The following L3MBTL1 variants were observed in gnomAD, a reference collection of about 807,000 sequenced individuals.
L3MBTL1 encodes the protein L3MBTL histone methyl-lysine binding protein 1.
L3MBTL1 carries 75 observed loss-of-function variants against 105.3 expected under a neutral mutation model. The observed-to-expected ratio is 0.71, with a 90% CI of 0.59 to 0.86. The LOEUF (loss-of-function observed/expected upper bound fraction) is 0.86. Ranked by LOEUF, L3MBTL1 falls within the 40% of genes least tolerant of loss-of-function variation. The probability of loss-of-function intolerance (pLI) is 0.00; values close to 1 mark genes in which losing one functional copy is unlikely to be tolerated. For synonymous variants in L3MBTL1, 452 were observed against 436.2 expected (o/e 1.04, Z -0.45); for missense variants, 1,069 against 1,126.4 (o/e 0.95, Z 0.73).
intron 11 of L3MBTL1, chr20:43,531,120 C>T (rs1484625470): frequency 9.2e-6 from 5 of 541,834 alleles, no homozygotes; most frequent in African/African-American, 3.8e-5. Context: ...ACTGCAGATA[C>T]CCTGTCCTCA....
intron 7 of L3MBTL1, among the ~76,000 whole-genome samples, chr20:43,526,479 T>C (rs1174324131): frequency 2.0e-5 from 3 of 152,164 alleles, no homozygotes; most frequent in African/African-American, 7.2e-5. Context: ...GTAGGTGATA[T>C]GTTATACTCA....
At position 43,525,590 on chromosome 20, in the gene L3MBTL1, A is replaced by G. The variant is rs565399471; in HGVS notation, c.863-3067A>G. 5.3e-4 allele frequency among the ~76,000 whole-genome samples: 80 copies of G among 152,282 alleles called. 1 individual carries two copies. Among genetic ancestry groups the G allele is most frequent in the Admixed American group, 4.4e-3 (68 of 15,300 alleles). On this transcript the variant is annotated intron_variant, in intron 7 of 21. Transcript: ENST00000418998. ...GGAGCCTTGGGACTTACTTGGGTTT[A>G]GGGATATGCCTAAGAGCTCAGCCCA...
Position 43,513,920 on chromosome 20 carries a change from G to C in L3MBTL1, c.219G>C (p.Pro73=). ...GGGAGCCAATCCATGTGGGTGCCCC[G>C]GAGCAAGTGGCCGGCTGCGAACCAG... ...FPREPIHVGA[P]EQVAGCEPVS... is the part of the protein sequence containing the mutation. The change falls in exon 3 of 22, where the codon CCG becomes CCC. Residue 73 remains proline, a synonymous_variant. Coordinates refer to ENST00000418998, the MANE Select transcript of L3MBTL1 (RefSeq NM_001377303.1). 3 of 1,550,350 alleles carry C rather than the reference G, an allele frequency of 1.9e-6. No homozygotes were observed. The East Asian group carries it at 7.3e-5, about 38-fold the overall frequency.
chr20:43,541,092 T>A lies in L3MBTL1; in HGVS notation c.2553T>A (p.Leu851=). ...TCTGCTCTCTACCCACTCATTTGCT[T>A]GCCAAACTTAGCTTTGCCAGTGATA... The part of the protein sequence containing the change: ...SLLCSLPTHL[L]AKLSFASDSQ... The change falls in exon 22 of 22, where the codon CTT becomes CTA. Residue 851 remains leucine, a synonymous_variant. Transcript: ENST00000418998. 6.2e-7 allele frequency: 1 copy of A among 1,614,146 alleles called. No homozygotes were observed. Among genetic ancestry groups the A allele is most frequent in the Admixed American group, 1.7e-5 (1 of 60,026 alleles).
At chr20:43,536,667 A>T (rs553849672) in intron 19 of L3MBTL1, among the ~76,000 whole-genome samples, 1 of 152,110 alleles carries the variant, frequency 6.6e-6, no homozygotes, top group Non-Finnish European at 1.5e-5. Flanking sequence ...CATGTCCCCC[A>T]TGGCCTTGCT....
rs184079978 is a variant in L3MBTL1, at chr20:43,510,708, C to G, written c.-28-2768C>G. 6.5e-4 allele frequency among the ~76,000 whole-genome samples: 99 copies of G among 151,838 alleles called. No individual in the cohort carries two copies. The Middle Eastern group carries it at 0.014, about 21-fold the overall frequency. ...CTGGGATTAGAGGCGTGAGCCACTGCGCCCAGCTAATTTTTTTTTTTTCTT... is the reference window on the plus strand; with the variant it reads ...CTGGGATTAGAGGCGTGAGCCACTGGGCCCAGCTAATTTTTTTTTTTTCTT... On this transcript the variant is annotated intron_variant, in intron 1 of 21. Transcript: ENST00000418998.
At chr20:43,546,406 G>A (rs567469549), downstream of L3MBTL1, among the ~76,000 whole-genome samples, 1 of 152,304 alleles carries the variant, frequency 6.6e-6, no homozygotes, top group South Asian at 2.1e-4. Context: ...GTATATCTTG[G>A]GCAAATTCTG....
chr20:43,548,377 C>T (rs1978769380), exon 19 of L3MBTL1: 3 of 848,120 alleles, frequency 3.5e-6, no homozygotes, highest in Non-Finnish European at 4.8e-6. Context: ...GCTGGTCCTT[C>T]TTAGAGGGTG....
intron 7 of L3MBTL1, among the ~76,000 whole-genome samples, chr20:43,516,686 A>G (rs2018409125): frequency 6.6e-6 from 1 of 152,238 alleles, no homozygotes. Flanking sequence ...GCATACTTGT[A>G]ATCACATAGA....
At chr20:43,517,949 T>C (rs898043997) in intron 7 of L3MBTL1, among the ~76,000 whole-genome samples, 3 of 152,248 alleles carry the variant, frequency 2.0e-5, no homozygotes, top group Non-Finnish European at 4.4e-5. Flanking sequence ...TTAGCTCTCT[T>C]TGGTTTATGG....
chr20:43,513,344 G>A, intron 1 of L3MBTL1, 132 bp from the exon 2 acceptor site: 1 of 865,438 alleles, frequency 1.2e-6, no homozygotes, highest in Non-Finnish European at 1.7e-6. Flanking sequence ...CCACAGGACT[G>A]AGGCCTTTCT....
chr20:43,519,794 C>T (rs1474738298), intron 7 of L3MBTL1, among the ~76,000 whole-genome samples: 1 of 152,162 alleles, frequency 6.6e-6, no homozygotes, highest in East Asian at 1.9e-4. Context: ...GCACCCTGCT[C>T]TTGGTTTTTT....
chr20:43,524,005 A>G (rs2018880626), intron 7 of L3MBTL1, among the ~76,000 whole-genome samples: 1 of 151,636 alleles, frequency 6.6e-6, no homozygotes, highest in African/African-American at 2.4e-5. Flanking sequence ...AAAAAAAAAA[A>G]AAAAAGAAAC....
At chr20:43,539,299 T>C (rs2019788040) in intron 19 of L3MBTL1, 1 of 152,724 alleles carries the variant, frequency 6.5e-6, no homozygotes, top group African/African-American at 2.4e-5. Context: ...GGAAAACCCC[T>C]TGGGAAAGTG....
intron 3 of L3MBTL1, 135 bp from the exon 4 acceptor site, chr20:43,514,499 GC>G: frequency 6.5e-7 from 1 of 1,540,658 alleles, no homozygotes; most frequent in Non-Finnish European, 8.8e-7. Context: ...TTGGAGTGAG[GC>G]CCCCTGGCGT....
At chr20:43,518,671 C>A (rs1301112779) in intron 7 of L3MBTL1, among the ~76,000 whole-genome samples, 1 of 151,904 alleles carries the variant, frequency 6.6e-6, no homozygotes, top group Non-Finnish European at 1.5e-5. Flanking sequence ...CCTATGGATA[C>A]TGTTTTTTTT....
chr20:43,546,045 G>A (rs1334981437), downstream of L3MBTL1, among the ~76,000 whole-genome samples: 1 of 152,236 alleles, frequency 6.6e-6, no homozygotes, highest in Non-Finnish European at 1.5e-5. Flanking sequence ...GTCCTGGAAG[G>A]CAAATGAAGA....
intron 8 of L3MBTL1, chr20:43,529,035 G>C (rs1429348441): frequency 3.3e-6 from 2 of 602,624 alleles, no homozygotes; most frequent in Non-Finnish European, 5.9e-6. Flanking sequence ...CATGACTTTG[G>C]TGAGAGGGAG....
chr20:43,543,945 A>G (rs2145502869), downstream of L3MBTL1, among the ~76,000 whole-genome samples: 1 of 152,336 alleles, frequency 6.6e-6, no homozygotes, highest in South Asian at 2.1e-4. Context: ...GTGATGTGAT[A>G]CTGAAGCAGG....
Sources: gnomAD v4.1 joint callset for allele counts (sites outside exome capture counted in the v4.1 genomes callset) on GRCh38, gnomAD v4.1.1 for gene constraint, MANE v1.5 for transcripts, NCBI Gene and HGNC (gene_info 2026-07-23, HGNC 2026-07-21) for gene names.